Variants in PARP11 observed in about 807,000 individuals in gnomAD.
PARP11 encodes the protein poly(ADP-ribose) polymerase family member 11.
PARP11 carries 31 observed loss-of-function variants against 42.9 expected under a neutral mutation model. The ratio of observed to expected loss-of-function variants is 0.72; its 90% CI spans 0.54 to 0.98. PARP11 has a LOEUF of 0.98. PARP11 is among the 50% of genes least tolerant of loss of function. PARP11 has a pLI of 0.00. For synonymous variants in PARP11, 137 were observed against 127.3 expected, an observed-to-expected ratio of 1.08 and a Z score of -0.51; for missense variants, 365 against 413.1, an observed-to-expected ratio of 0.88 and a Z score of 1.01.
At chr12:3,822,442 C>CA (rs372512750) in intron 4 of PARP11, among the ~76,000 whole-genome samples, 3 of 128,838 alleles carry the variant, frequency 2.3e-5, no homozygotes, top group Non-Finnish European at 4.8e-5. Flanking sequence ...ACTAAAAATA[C>CA]AAAAAAATTA....
intron 4 of PARP11, chr12:3,824,559 T>C: frequency 1.3e-6 from 1 of 759,906 alleles, no homozygotes; most frequent in East Asian, 1.3e-4. Flanking sequence ...CTACTGACCT[T>C]CAACACCCTA....
intron 3 of PARP11, 109 bp downstream of exon 3, chr12:3,828,801 G>T: frequency 5.4e-6 from 5 of 934,322 alleles, no homozygotes; most frequent in South Asian, 3.7e-5. Context: ...TAACAAAAAA[G>T]ATATACTTCA....
chr12:3,814,187 T>C lies in PARP11; in HGVS notation c.550A>G (p.Lys184Glu). The change falls in exon 7 of 8, where the codon AAA (lysine) becomes GAA (glutamate). Residue 184 changes from lysine to glutamate, a missense_variant and splice_region_variant. By Grantham distance (56) the Lys-to-Glu change is moderately conservative. Coordinates refer to ENST00000228820, the MANE Select transcript of PARP11 (RefSeq NM_020367.6). ...CTTTTTTTCTTGAGCTGAGCCTTTT[T>C]CCTAAAAACACAATATACACAGACA... ...NLDLWEFFCR[K>E]KAQLKKKRGV... 1.3e-6 allele frequency: 2 copies of C among 1,598,440 alleles called. No individual in the cohort carries two copies. The highest frequency in any genetic ancestry group is 1.7e-6 in the Non-Finnish European group (2 of 1,170,196).
At chr12:3,853,612 T>C (rs376474725) in intron 1 of PARP11, among the ~76,000 whole-genome samples, 10 of 152,196 alleles carry the variant, frequency 6.6e-5, no homozygotes, top group African/African-American at 2.2e-4. Context: ...GCACCCAATA[T>C]AGGAGCACCC....
intron 1 of PARP11, among the ~76,000 whole-genome samples, chr12:3,850,463 AG>A (rs1365407428): frequency 6.6e-6 from 1 of 152,200 alleles, no homozygotes; most frequent in East Asian, 1.9e-4. Flanking sequence ...AGTTTATTCA[AG>A]GGAAAAAAGA....
intron 6 of PARP11, among the ~76,000 whole-genome samples, chr12:3,819,733 C>T (rs1307417333): frequency 2.0e-5 from 3 of 152,168 alleles, no homozygotes; most frequent in Admixed American, 2.0e-4. Flanking sequence ...TGGTCTAGCC[C>T]CCGCTAACTC....
Position 3,827,222 on chromosome 12 carries a change from G to A in PARP11, c.269-989C>T, listed in dbSNP as rs565256895. On this transcript the variant is annotated intron_variant, in intron 3 of 7. Coordinates refer to ENST00000228820, the MANE Select transcript of PARP11 (RefSeq NM_020367.6). ...GAGCTGATAACTGCAAAGAGTACAT[G>A]TGAAATGCTAATATCCATGCCTCTG... Among the ~76,000 whole-genome samples, 8 of 152,302 alleles carry A rather than the reference G, an allele frequency of 5.3e-5. 1 individual carries two copies. Among genetic ancestry groups the A allele is most frequent in the African/African-American group, 1.9e-4 (8 of 41,546 alleles).
rs561869002 is a variant in PARP11, at chr12:3,835,794, A to G, written c.19-5776T>C. On this transcript the variant is annotated intron_variant, in intron 1 of 7. Transcript: ENST00000228820. ...CAGTGGTAGATTTGTGAACAAGAAA[A>G]TATCAGCAAACTTGAACATAAATTA... Among the ~76,000 whole-genome samples, 5 of 152,306 alleles carry G rather than the reference A, an allele frequency of 3.3e-5. 1 individual carries two copies. The highest frequency in any genetic ancestry group is 1.2e-4 in the African/African-American group (5 of 41,562).
chr12:3,852,485 AC>A (rs1332149529), intron 1 of PARP11, among the ~76,000 whole-genome samples: 2 of 152,208 alleles, frequency 1.3e-5, no homozygotes, highest in Non-Finnish European at 2.9e-5. Context: ...GAACTATGTG[AC>A]GCATGCACAA....
intron 4 of PARP11, among the ~76,000 whole-genome samples, 184 bp downstream of exon 4, chr12:3,825,974 C>G (rs1163328075): frequency 1.3e-5 from 2 of 151,676 alleles, no homozygotes; most frequent in East Asian, 3.9e-4. Context: ...CGTGATCAGG[C>G]CGCCTCGGCC....
intron 7 of PARP11, among the ~76,000 whole-genome samples, chr12:3,813,046 C>A (rs1947216416): frequency 6.6e-6 from 1 of 152,128 alleles, no homozygotes; most frequent in Non-Finnish European, 1.5e-5. Context: ...CTCAGGTGAT[C>A]CACCTGCCTC....
chr12:3,849,161 C>T (rs1460401931), intron 1 of PARP11, among the ~76,000 whole-genome samples: 3 of 151,848 alleles, frequency 2.0e-5, no homozygotes, highest in African/African-American at 2.4e-5. Context: ...CAAAGAATAA[C>T]GAATGCTAGC....
intron 1 of PARP11, among the ~76,000 whole-genome samples, chr12:3,852,975 TATTCAGC>T (rs1406968132): frequency 6.6e-6 from 1 of 152,188 alleles, no homozygotes; most frequent in Non-Finnish European, 1.5e-5. Context: ...TGGGGGCCAA[TATTCAGC>T]ATTCTTAAAG....
At chr12:3,868,413 T>A (rs1197577156) in intron 1 of PARP11, among the ~76,000 whole-genome samples, 9 of 152,156 alleles carry the variant, frequency 5.9e-5, no homozygotes, top group Non-Finnish European at 1.5e-5. Flanking sequence ...TTAGCCGAGA[T>A]CATGCCACTG....
intron 1 of PARP11, among the ~76,000 whole-genome samples, chr12:3,830,808 G>A (rs1947624574): frequency 6.6e-6 from 1 of 152,166 alleles, no homozygotes; most frequent in Non-Finnish European, 1.5e-5. Context: ...CATACAACAA[G>A]GAAGTCAAGA....
chr12:3,856,971 C>T lies in PARP11; in HGVS notation c.18+16241G>A, dbSNP rs570752910. Among the ~76,000 whole-genome samples, 158 of 152,260 alleles carry T rather than the reference C, an allele frequency of 1.0e-3. 1 individual carries two copies. Among genetic ancestry groups the T allele is most frequent in the African/African-American group, 3.5e-3 (145 of 41,550 alleles). On this transcript the variant is annotated intron_variant, in intron 1 of 7. Coordinates refer to ENST00000228820, the MANE Select transcript of PARP11 (RefSeq NM_020367.6). ...CCATAAAAAAGGATGAGTTCAAGTC[C>T]TTTGCAGGGATATGGATGAAGCTGG...
At position 3,873,295 on chromosome 12, in the gene PARP11, A is replaced by ATTT; in HGVS notation, c.-69_-67dup. On this transcript the variant is annotated 5_prime_UTR_variant, in exon 1 of 8. Transcript: ENST00000228820. ...GCTAGCCGCGGGGCCTGGGTGTTGGATTTTTTTTTTTCCCGCGGGTCCCCG... is the reference window on the plus strand; with the variant it reads ...GCTAGCCGCGGGGCCTGGGTGTTGGATTTTTTTTTTTTTTCCCGCGGGTCCCCG... The ATTT allele has an allele frequency of 8.4e-7, 1 of 1,192,608 alleles. No homozygotes were observed. Among genetic ancestry groups the ATTT allele is most frequent in the Non-Finnish European group, 1.1e-6 (1 of 878,496 alleles). The allele number at this position is 1,192,608 out of a possible 1,614,324, so 73.9% of individuals were successfully genotyped here.
chr12:3,844,371 C>T (rs769777077), intron 1 of PARP11, among the ~76,000 whole-genome samples: 1 of 152,198 alleles, frequency 6.6e-6, no homozygotes, highest in Non-Finnish European at 1.5e-5. Flanking sequence ...TCTTTCTTAA[C>T]ACTGGTGGCT....
At chr12:3,868,101 T>C (rs1033305750) in intron 1 of PARP11, among the ~76,000 whole-genome samples, 8 of 152,190 alleles carry the variant, frequency 5.3e-5, no homozygotes, top group South Asian at 2.1e-4. Context: ...ATAAGTACTT[T>C]GTAAGAAGCT....
Sources: allele counts gnomAD v4.1 joint callset (sites outside exome capture counted in the v4.1 genomes callset), GRCh38; gene constraint gnomAD v4.1.1; transcripts MANE v1.5; gene names NCBI Gene and HGNC (gene_info 2026-07-23, HGNC 2026-07-21).